The following GABRR1 variants were observed in gnomAD, a reference collection of about 807,000 sequenced individuals.
GABRR1 encodes the protein gamma-aminobutyric acid type A receptor subunit rho1, also known as gamma-aminobutyric acid receptor subunit rho-1.
GABRR1 carries 59 observed loss-of-function variants against 55.5 expected under a neutral mutation model. The ratio of observed to expected loss-of-function variants is 1.06; its 90% CI spans 0.86 to 1.32. The LOEUF is 1.32. Ranked by LOEUF, GABRR1 falls within the 40% of genes most tolerant of loss-of-function variation. GABRR1 has a pLI of 0.00. For missense variants in GABRR1, 602 were observed against 619.1 expected (o/e 0.97, Z 0.29); for synonymous variants, 213 against 226.0 (o/e 0.94, Z 0.51).
In GABRR1 at chr6:89,187,230, T is replaced by C. The variant is rs111335144; in HGVS notation, c.656-1780A>G. ...GGGGGTGTGTGTGTGTGTGTGTGTG[T>C]TGTGTTGTGTTAAAATACACATAAA... is the stretch of plus-strand genomic sequence containing the variant. On this transcript the variant is annotated intron_variant, in intron 6 of 9. Coordinates refer to ENST00000454853, the MANE Select transcript of GABRR1 (RefSeq NM_002042.5). Among the ~76,000 whole-genome samples, 116 of 151,856 alleles carry C rather than the reference T, an allele frequency of 7.6e-4. 1 individual carries two copies. The highest frequency in any genetic ancestry group is 3.4e-3 in the Middle Eastern group (1 of 294).
intron 5 of GABRR1, among the ~76,000 whole-genome samples, chr6:89,193,292 T>C (rs1348402484): frequency 1.3e-5 from 2 of 152,224 alleles, no homozygotes; most frequent in Non-Finnish European, 2.9e-5. Context: ...GAGGAGATGG[T>C]AAATTGGATG....
rs1361651598 is a variant in GABRR1 at position 89,203,448 on chromosome 6, G to T, written c.160C>A (p.His54Asn). ...TTATGGCCATACCTGACTTGCTTGT[G>T]GGCATCTTCATGTACTTCTCGTCTT... ...RQRREVHEDA[H>N]KQVSPILRRS... The change falls in exon 2 of 10, where the codon CAC becomes AAC. Residue 54 changes from histidine to asparagine, a missense_variant. Around this residue, in one of 3 missense-constraint regions of GABRR1, gnomAD observed 435 missense variants for 424.2 expected, o/e 1.03. Transcript: ENST00000454853. The T allele has an allele frequency of 1.4e-5, 22 of 1,613,210 alleles. No individual in the cohort carries two copies. Among genetic ancestry groups the T allele is most frequent in the Non-Finnish European group, 1.8e-5 (21 of 1,179,244 alleles).
chr6:89,223,903 A>T (rs1302116304), intron 1 of GABRR1, among the ~76,000 whole-genome samples: 1 of 151,778 alleles, frequency 6.6e-6, no homozygotes, highest in Non-Finnish European at 1.5e-5. Context: ...AGCTGGGACT[A>T]CAGGCATATG....
chr6:89,218,863 A>G (rs372753359), upstream of GABRR1, among the ~76,000 whole-genome samples: 5 of 152,192 alleles, frequency 3.3e-5, no homozygotes, highest in African/African-American at 1.2e-4. Flanking sequence ...ACTTGGAGGT[A>G]TTTTTCTGAA....
chr6:89,230,575 G>A lies in GABRR1; in HGVS notation c.-411+641C>T, dbSNP rs1421037919. Among the ~76,000 whole-genome samples the A allele has an allele frequency of 1.6e-4, 25 of 152,200 alleles. 1 individual carries two copies. The highest frequency in any genetic ancestry group is 1.4e-3 in the Admixed American group (21 of 15,282). On this transcript the variant is annotated intron_variant, in intron 1 of 11. Transcript: ENST00000369451. ...GGGGTGCCTCCCAGTTAGGCTGCTCGGGGGTCAGGGGTCAGGGACCCGCTT... is the reference window on the plus strand; with the variant it reads ...GGGGTGCCTCCCAGTTAGGCTGCTCAGGGGTCAGGGGTCAGGGACCCGCTT...
intron 1 of GABRR1, among the ~76,000 whole-genome samples, chr6:89,211,036 T>C (rs1255263022): frequency 6.6e-6 from 1 of 151,912 alleles, no homozygotes; most frequent in Non-Finnish European, 1.5e-5. Flanking sequence ...GTTGTGAGCA[T>C]GGGAGCAGCA....
At position 89,177,975 on chromosome 6, in the gene GABRR1, C is replaced by T. The variant is rs904514445; in HGVS notation, c.*795G>A. On this transcript the variant is annotated 3_prime_UTR_variant, in exon 10 of 10. Coordinates refer to ENST00000454853, the MANE Select transcript of GABRR1 (RefSeq NM_002042.5). ...CACTGAGAAAGCACTTCTCTTTGAA[C>T]AAGGACATGCTCCAAGAAGAAGAAA... is the stretch of plus-strand genomic sequence containing the variant. 6.6e-6 allele frequency: 1 copy of T among 152,134 alleles called. No homozygotes were observed. Among genetic ancestry groups the T allele is most frequent in the African/African-American group, 2.4e-5 (1 of 41,428 alleles). The allele number at this position is 152,134 out of a possible 1,614,324, so 9.4% of individuals were successfully genotyped here.
At position 89,181,963 on chromosome 6, in the gene GABRR1, C is replaced by G; in HGVS notation, c.891G>C (p.Met297Ile). 6.2e-7 allele frequency: 1 copy of G among 1,614,110 alleles called. No homozygotes were observed. Among genetic ancestry groups the G allele is most frequent in the Non-Finnish European group, 8.5e-7 (1 of 1,180,012 alleles). The change falls in exon 8 of 10, where the codon ATG becomes ATC. Residue 297 changes from methionine to isoleucine, a missense_variant. Physicochemically the swap from Met to Ile is conservative, Grantham distance 10. Transcript: ENST00000454853. ...CGATCCAGAAGGACACCCAGGACAG[C>G]ATGACCATCAGGGTAGCGGGGAAAT... ...QTYFPATLMV[M>I]LSWVSFWIDR...
chr6:89,230,457 C>T (rs1773265427), intron 1 of GABRR1, among the ~76,000 whole-genome samples: 1 of 149,918 alleles, frequency 6.7e-6, no homozygotes, highest in Admixed American at 6.6e-5. Context: ...GATGTCCTTT[C>T]TGTTTGTTAG....
intron 8 of GABRR1, among the ~76,000 whole-genome samples, chr6:89,181,285 C>T (rs1771710813): frequency 6.6e-6 from 1 of 152,156 alleles, no homozygotes. Context: ...TGGTGGGTCG[C>T]ATTCTCCCCT....
intron 1 of GABRR1, 46 bp from the exon 2 acceptor site, chr6:89,203,531 T>A: frequency 7.1e-7 from 1 of 1,414,862 alleles, no homozygotes; most frequent in Non-Finnish European, 1.0e-6. Flanking sequence ...AAAGTCTAGG[T>A]ACTCAGATCA....
chr6:89,207,571 C>T (rs1772690830), intron 1 of GABRR1, among the ~76,000 whole-genome samples: 1 of 152,140 alleles, frequency 6.6e-6, no homozygotes, highest in Non-Finnish European at 1.5e-5. Flanking sequence ...CTTTGCTATT[C>T]TTCATCAAAG....
In GABRR1 at chr6:89,190,256, A is replaced by G. The variant is rs1232544476; in HGVS notation, c.573-9T>C. ...TTGCAGTTACTGTAACCCTAGGGCC[A>G]AAAAGACAAAATTGATTTATTCAGA... On this transcript the variant is annotated splice_polypyrimidine_tract_variant and intron_variant, in intron 5 of 9. Transcript: ENST00000454853. 1.3e-6 allele frequency: 2 copies of G among 1,590,518 alleles called. No homozygotes were observed. Among genetic ancestry groups the G allele is most frequent in the Non-Finnish European group, 1.7e-6 (2 of 1,168,104 alleles).
chr6:89,190,602 C>A (rs964629751), intron 5 of GABRR1, among the ~76,000 whole-genome samples: 5 of 152,274 alleles, frequency 3.3e-5, no homozygotes, highest in Admixed American at 2.6e-4. Flanking sequence ...TATTGTTCTC[C>A]TGTTTCAGAT....
At position 89,205,037 on chromosome 6, in the gene GABRR1, A is replaced by C. The variant is rs572379823; in HGVS notation, c.123-1552T>G. Among the ~76,000 whole-genome samples the C allele has an allele frequency of 9.8e-5, 15 of 152,330 alleles. No individual in the cohort carries two copies. In the South Asian group the frequency reaches 3.1e-3, roughly 32 times the overall value. On this transcript the variant is annotated intron_variant, in intron 1 of 9. Coordinates refer to ENST00000454853, the MANE Select transcript of GABRR1 (RefSeq NM_002042.5). ...CACAAAACAAATAATAGGAAAATCT[A>C]ACACTGCTTGAGCACTTCCTATGTG...
chr6:89,214,050 C>G (rs1772912075), intron 1 of GABRR1, among the ~76,000 whole-genome samples: 1 of 151,756 alleles, frequency 6.6e-6, no homozygotes, highest in African/African-American at 2.4e-5. Flanking sequence ...CAAACAGCAA[C>G]AATTTCACTT....
At chr6:89,183,146 G>GAAAAA (rs66539825) in intron 7 of GABRR1, among the ~76,000 whole-genome samples, 3 of 128,564 alleles carry the variant, frequency 2.3e-5, no homozygotes, top group African/African-American at 2.9e-5. Flanking sequence ...GAGGATGATG[G>GAAAAA]AAAAAAAAAA....
chr6:89,198,161 G>C lies in GABRR1; in HGVS notation c.431C>G (p.Thr144Arg). 1 of 1,614,046 alleles carries C rather than the reference G, an allele frequency of 6.2e-7. No individual in the cohort carries two copies. Among genetic ancestry groups the C allele is most frequent in the Non-Finnish European group, 8.5e-7 (1 of 1,179,982 alleles). The change falls in exon 5 of 10, where the codon ACG (threonine) becomes AGG (arginine). Residue 144 changes from threonine (T) to arginine (R), a missense_variant. Thr to Arg is a moderately conservative substitution (Grantham distance 71). Around this residue, in one of 3 missense-constraint regions of GABRR1, gnomAD observed 435 missense variants for 424.2 expected, o/e 1.03. Transcript: ENST00000454853. ...SFPSTNNLSMTFDGRLVKKIW... is the reference protein window; with the variant it reads ...SFPSTNNLSMRFDGRLVKKIW... The stretch of plus-strand genomic sequence containing the variant: ...CTTCTTGACCAGCCGGCCGTCAAAC[G>C]TCATGCTGAGGTTGTTGGTGCTTGG...
intron 5 of GABRR1, among the ~76,000 whole-genome samples, chr6:89,194,993 T>C (rs1358376375): frequency 6.6e-6 from 1 of 152,000 alleles, no homozygotes; most frequent in African/African-American, 2.4e-5. Flanking sequence ...AACAGGAAAC[T>C]TTCCAAAACT....
Sources: gnomAD v4.1 joint callset for allele counts (sites outside exome capture counted in the v4.1 genomes callset) on GRCh38, gnomAD v4.1.1 for gene constraint, gnomAD v4.1.1 regional missense constraint, MANE v1.5 for transcripts, NCBI Gene and HGNC (gene_info 2026-07-23, HGNC 2026-07-21) for gene names.